CSNK1D: variants seen among roughly 807,000 people sequenced by gnomAD.
The protein encoded by CSNK1D is casein kinase 1 delta.
A neutral mutation model predicts 46.6 loss-of-function variants in CSNK1D; 16 were observed. The observed-to-expected ratio is 0.34, with a 90% CI of 0.23 to 0.52. CSNK1D has a LOEUF of 0.52. Among genes scored for constraint, CSNK1D ranks in the 20% least tolerant of loss-of-function variants. CSNK1D has a pLI of 0.95. For missense variants in CSNK1D, 398 were observed against 578.4 expected, an observed-to-expected ratio of 0.69 and a Z score of 3.20; for synonymous variants, 276 against 228.2, an observed-to-expected ratio of 1.21 and a Z score of -1.89.
At chr17:82,254,873 G>A (rs1205826966) in intron 3 of CSNK1D, among the ~76,000 whole-genome samples, 12 of 117,528 alleles carry the variant, frequency 1.0e-4, no homozygotes, top group African/African-American at 1.7e-4. Flanking sequence ...CTGAGCCGCC[G>A]GGGGCCTCGA....
intron 1 of CSNK1D, among the ~76,000 whole-genome samples, chr17:82,266,152 T>C (rs952720468): frequency 2.0e-5 from 3 of 152,166 alleles, no homozygotes; most frequent in Admixed American, 6.5e-5. Context: ...AGACAGCCTG[T>C]GGTAGAGCTC....
At chr17:82,271,813 A>C (rs1259267598) in intron 1 of CSNK1D, among the ~76,000 whole-genome samples, 1 of 152,198 alleles carries the variant, frequency 6.6e-6, no homozygotes, top group Non-Finnish European at 1.5e-5. Context: ...GGCTTCATCT[A>C]AAAGGTATGA....
Position 82,248,577 on chromosome 17 carries a change from G to C in CSNK1D, c.1197+298C>G, listed in dbSNP as rs946611318. ...GTGTCAGCTGCCTGGGGACGGCTGC[G>C]GGCAGCGGGGCACTCAAACAGCAGG... is the stretch of plus-strand genomic sequence containing the variant. On this transcript the variant is annotated intron_variant, in intron 8 of 8. Coordinates refer to ENST00000314028, the MANE Select transcript of CSNK1D (RefSeq NM_001893.6). This position sits in a 1 kb window ranked among gnomAD's most constrained non-coding sequence, Gnocchi z 4.1. 1 of 1,239,844 alleles carries C rather than the reference G, an allele frequency of 8.1e-7. No homozygotes were observed. The highest frequency in any genetic ancestry group is 1.0e-6 in the Non-Finnish European group (1 of 980,282). 76.8% of individuals were successfully genotyped at this position (1,239,844 alleles called of 1,614,324 possible).
intron 2 of CSNK1D, among the ~76,000 whole-genome samples, chr17:82,256,613 C>G (rs964010127): frequency 6.6e-6 from 1 of 152,130 alleles, no homozygotes; most frequent in African/African-American, 2.4e-5. Flanking sequence ...AGAAGATTCT[C>G]AGAGAGATGG....
At chr17:82,246,119 GCA>G (rs2050844718) in intron 8 of CSNK1D, 1 of 1,551,894 alleles carries the variant, frequency 6.4e-7, no homozygotes, top group Non-Finnish European at 8.7e-7. Flanking sequence ...GTCCAGATGG[GCA>G]TCCTTGCCTC....
At chr17:82,271,227 C>G (rs916469016) in intron 1 of CSNK1D, among the ~76,000 whole-genome samples, 1 of 152,176 alleles carries the variant, frequency 6.6e-6, no homozygotes, top group Non-Finnish European at 1.5e-5. Context: ...AGGCAGCCAC[C>G]ACCACGCCTG....
rs2050964661 is a variant in CSNK1D at position 82,250,171 on chromosome 17, G to A, written c.886-569C>T. 1 of 1,289,878 alleles carries A rather than the reference G, an allele frequency of 7.8e-7. No homozygotes were observed. The highest frequency in any genetic ancestry group is 1.0e-6 in the Non-Finnish European group (1 of 988,978). 79.9% of individuals were successfully genotyped at this position (1,289,878 alleles called of 1,614,324 possible). On this transcript the variant is annotated intron_variant, in intron 6 of 8. Coordinates refer to ENST00000314028, the MANE Select transcript of CSNK1D (RefSeq NM_001893.6). The surrounding 1 kb of genome is among the most constrained non-coding windows in gnomAD (Gnocchi z 4.6). ...GTGGGGAGGTCAGATTTTAAGCCGA[G>A]ACAGCAACCTATGAAAAAGCAGATT...
At position 82,249,478 on chromosome 17, in the gene CSNK1D, G is replaced by A. The variant is rs771790792; in HGVS notation, c.1010C>T (p.Thr337Met). 141 of 1,541,744 alleles carry A rather than the reference G, an allele frequency of 9.1e-5. No homozygotes were observed. Among genetic ancestry groups the A allele is most frequent in the Non-Finnish European group, 1.2e-4 (133 of 1,146,612 alleles). Residue 337 changes from threonine (T) to methionine (M), a missense_variant, in exon 7 of 9, where the codon ACG becomes ATG. Physicochemically the swap from Thr to Met is moderately conservative, Grantham distance 81. Transcript: ENST00000314028. The surrounding 1 kb of genome is among the most constrained non-coding windows in gnomAD (Gnocchi z 6.7). ...GGGTGTGGGGGGAGCCACTTCCTGC[G>A]TCCCCCGCAGGCGGCCGGAGGCTGT... ...PSTASGRLRGTQEVAPPTPLT... is the reference protein window; with the variant it reads ...PSTASGRLRGMQEVAPPTPLT...
chr17:82,250,007 G>C lies in CSNK1D; in HGVS notation c.886-405C>G. On this transcript the variant is annotated intron_variant, in intron 6 of 8. Transcript: ENST00000314028. The surrounding 1 kb of genome is among the most constrained non-coding windows in gnomAD (Gnocchi z 4.6). ...TGGTGACAGCTGGGGAGGAAAGCGGGGTGGGGATGAGAGCGTTTGGTCGGA... is the reference window on the plus strand; with the variant it reads ...TGGTGACAGCTGGGGAGGAAAGCGGCGTGGGGATGAGAGCGTTTGGTCGGA... The C allele has an allele frequency of 8.1e-7, 1 of 1,236,156 alleles. No homozygotes were observed. Among genetic ancestry groups the C allele is most frequent in the Non-Finnish European group, 1.0e-6 (1 of 963,620 alleles). 76.6% of individuals were successfully genotyped at this position (1,236,156 alleles called of 1,614,324 possible).
Position 82,252,717 on chromosome 17 carries a change from A to G in CSNK1D, c.566-113T>C. 8.9e-7 allele frequency: 1 copy of G among 1,126,720 alleles called. No homozygotes were observed. The highest frequency in any genetic ancestry group is 1.3e-5 in the South Asian group (1 of 75,786). The allele number at this position is 1,126,720 out of a possible 1,614,324, so 69.8% of individuals were successfully genotyped here. The stretch of plus-strand genomic sequence containing the variant: ...AGCCTCAGACACACATGCCCAGATC[A>G]CTCCAGCTGGCACTTCCAGTGGAGA... On this transcript the variant is annotated intron_variant, in intron 4 of 8. Coordinates refer to ENST00000314028, the MANE Select transcript of CSNK1D (RefSeq NM_001893.6). This position sits in a 1 kb window ranked among gnomAD's most constrained non-coding sequence, Gnocchi z 4.6.
Position 82,251,632 on chromosome 17 carries a change from G to A in CSNK1D, c.737-105C>T. 2.6e-6 allele frequency: 3 copies of A among 1,155,706 alleles called. No individual in the cohort carries two copies. The South Asian group carries it at 3.9e-5, about 15-fold the overall frequency. The allele number at this position is 1,155,706 out of a possible 1,614,324, so 71.6% of individuals were successfully genotyped here. A position where few individuals can be genotyped will look rare whatever the true frequency, so the allele number is the denominator to read the frequency against. On this transcript the variant is annotated intron_variant, in intron 5 of 8. Coordinates refer to ENST00000314028, the MANE Select transcript of CSNK1D (RefSeq NM_001893.6). This position sits in a 1 kb window ranked among gnomAD's most constrained non-coding sequence, Gnocchi z 4.5. Reference sequence around the variant, plus strand: ...TCCTGCTGCTGCACACTCAAGGGGAGAAGGACAGATGCAAAACACCTGTCA... The same window carrying A: ...TCCTGCTGCTGCACACTCAAGGGGAAAAGGACAGATGCAAAACACCTGTCA...
chr17:82,245,110 GGGT>G (rs1197569387), intron 8 of CSNK1D: 2 of 583,596 alleles, frequency 3.4e-6, no homozygotes, highest in East Asian at 5.7e-5. Context: ...GAGCGGAGAC[GGGT>G]GCTCCTGCCT....
At chr17:82,270,669 G>C (rs1218233681) in intron 1 of CSNK1D, among the ~76,000 whole-genome samples, 1 of 152,058 alleles carries the variant, frequency 6.6e-6, no homozygotes, top group Non-Finnish European at 1.5e-5. Context: ...GCCTTACTCC[G>C]GCTAACGTGA....
downstream of CSNK1D, among the ~76,000 whole-genome samples, chr17:82,241,235 G>A (rs1158339845): frequency 1.3e-5 from 2 of 152,228 alleles, no homozygotes; most frequent in Non-Finnish European, 2.9e-5. Flanking sequence ...TGGAACAGAT[G>A]TGTGCAAGGC....
At chr17:82,239,852 C>T (rs2147141596), downstream of CSNK1D, 1 of 507,238 alleles carries the variant, frequency 2.0e-6, no homozygotes, top group Non-Finnish European at 3.1e-6. Flanking sequence ...CTGGTCTTTG[C>T]ACCCTGTCCT....
At chr17:82,245,473 G>GA (rs1482067609) in intron 8 of CSNK1D, 2 of 213,148 alleles carry the variant, frequency 9.4e-6, no homozygotes, top group African/African-American at 4.7e-5. Context: ...AAATGAGACA[G>GA]GAAGAGAGAG....
chr17:82,260,528 C>G (rs1006700167), intron 2 of CSNK1D, among the ~76,000 whole-genome samples: 2 of 150,356 alleles, frequency 1.3e-5, no homozygotes, highest in Non-Finnish European at 3.0e-5. Context: ...AGTGATGTGA[C>G]TGATGGTGTA....
At position 82,248,119 on chromosome 17, in the gene CSNK1D, A is replaced by G. The variant is rs2050897863; in HGVS notation, c.1197+756T>C. ...CCCGTGGGGGATCTGGGCACCCCCC[A>G]GGATGCCTGCTGGTGAAACAGCCCT... On this transcript the variant is annotated intron_variant, in intron 8 of 8. Transcript: ENST00000314028. This position sits in a 1 kb window ranked among gnomAD's most constrained non-coding sequence, Gnocchi z 4.1. 2 of 985,514 alleles carry G rather than the reference A, an allele frequency of 2.0e-6. No homozygotes were observed. The highest frequency in any genetic ancestry group is 1.2e-6 in the Non-Finnish European group (1 of 829,980). The allele number at this position is 985,514 out of a possible 1,614,324, so 61.0% of individuals were successfully genotyped here.
intron 2 of CSNK1D, among the ~76,000 whole-genome samples, chr17:82,263,368 A>C (rs1373643890): frequency 6.6e-6 from 1 of 152,210 alleles, no homozygotes; most frequent in African/African-American, 2.4e-5. Context: ...AGGATCCTAG[A>C]GAAGGTGCCA....
Sources: allele counts gnomAD v4.1 joint callset (sites outside exome capture counted in the v4.1 genomes callset), GRCh38; gene constraint gnomAD v4.1.1; non-coding constraint Gnocchi (gnomAD v3.1); transcripts MANE v1.5; gene names NCBI Gene and HGNC (gene_info 2026-07-23, HGNC 2026-07-21).